ATG13: variants seen among roughly 807,000 people sequenced by gnomAD.
ATG13 encodes the protein autophagy related 13, also known as autophagy-related protein 13.
Under a neutral mutation model 65.5 loss-of-function variants are expected in ATG13, and 23 were observed. That is an observed-to-expected ratio of 0.35 (90% confidence interval 0.25 to 0.50). ATG13 has a LOEUF of 0.50. Among genes scored for constraint, ATG13 ranks in the 20% least tolerant of loss-of-function variants. ATG13 has a pLI of 0.98. For synonymous variants in ATG13, 252 were observed against 245.2 expected (o/e 1.03, Z -0.26); for missense variants, 566 against 677.0 (o/e 0.84, Z 1.82).
At chr11:46,633,005 T>TA (rs2052421012) in intron 2 of ATG13, among the ~76,000 whole-genome samples, 1 of 97,414 alleles carries the variant, frequency 1.0e-5, no homozygotes, top group African/African-American at 3.8e-5. Flanking sequence ...TAAAAAAAAA[T>TA]ATATATATAT....
At chr11:46,647,280 G>GTTTTTTTTTTTTTTTT (rs60893694) in intron 5 of ATG13, among the ~76,000 whole-genome samples, 15 of 55,908 alleles carry the variant, frequency 2.7e-4, no homozygotes, top group Non-Finnish European at 4.1e-4. Flanking sequence ...TGTTTTTTTT[G>GTTTTTTTTTTTTTTTT]TTTTTTTTTT....
At chr11:46,621,466 C>T (rs2047485746) in intron 1 of ATG13, among the ~76,000 whole-genome samples, 1 of 152,070 alleles carries the variant, frequency 6.6e-6, no homozygotes, top group African/African-American at 2.4e-5. Flanking sequence ...AAAGCTTCTC[C>T]CAATACTATT....
In ATG13 at chr11:46,672,502, C is replaced by T. The variant is rs555355905; in HGVS notation, c.*170C>T. ...CTACTCTTGGACCTCCTGGAGACTC[C>T]GTGGCGGCAGTCAAGCCCAGTGCCC... On this transcript the variant is annotated 3_prime_UTR_variant, in exon 19 of 19. Transcript: ENST00000683050. The T allele has an allele frequency of 4.7e-5, 70 of 1,482,098 alleles. No homozygotes were observed. The highest frequency in any genetic ancestry group is 1.2e-4 in the East Asian group (5 of 41,558). 91.8% of individuals were successfully genotyped at this position (1,482,098 alleles called of 1,614,324 possible). A position where few individuals can be genotyped will look rare whatever the true frequency, so the allele number is the denominator to read the frequency against.
At chr11:46,636,002 A>G (rs558198893) in intron 2 of ATG13, among the ~76,000 whole-genome samples, 3 of 152,214 alleles carry the variant, frequency 2.0e-5, no homozygotes, top group African/African-American at 4.8e-5. Context: ...CTGGAGTACA[A>G]TGGCACAGTT....
In ATG13 at chr11:46,672,704, G is replaced by A. The variant is rs192682946; in HGVS notation, c.*372G>A. On this transcript the variant is annotated 3_prime_UTR_variant, in exon 19 of 19. Transcript: ENST00000683050. ...CTGCCTTGCAGCTGGCCCCTTCCCT[G>A]CCTGCTGTCACCATCCACTGTTTGA... The A allele has an allele frequency of 4.0e-5, 55 of 1,363,258 alleles. No homozygotes were observed. In the East Asian group the frequency reaches 2.3e-3, roughly 56 times the overall value. 84.4% of individuals were successfully genotyped at this position (1,363,258 alleles called of 1,614,324 possible).
chr11:46,642,594 C>T (rs754133890), intron 2 of ATG13, among the ~76,000 whole-genome samples: 3 of 152,156 alleles, frequency 2.0e-5, no homozygotes, highest in Non-Finnish European at 1.5e-5. Context: ...CGTGAGCCAC[C>T]GTGCCTGGCC....
chr11:46,666,600 C>G (rs1312016235), intron 14 of ATG13, among the ~76,000 whole-genome samples: 2 of 152,142 alleles, frequency 1.3e-5, no homozygotes, highest in African/African-American at 4.8e-5. Flanking sequence ...CCACTGTTAC[C>G]TGCTTATTTA....
chr11:46,642,212 AT>A (rs2056249578), intron 2 of ATG13, among the ~76,000 whole-genome samples: 2 of 151,598 alleles, frequency 1.3e-5, no homozygotes, highest in Admixed American at 1.3e-4. Context: ...CTTCTCAGTT[AT>A]CCATGTTTAA....
In ATG13 at chr11:46,672,648, G is replaced by A. The variant is rs896300285; in HGVS notation, c.*316G>A. ...AACTGCTTCCCAAGGGTGTCATCCT[G>A]TTCCTCCTGCTGCCGGCCTCCTGCC... On this transcript the variant is annotated 3_prime_UTR_variant, in exon 19 of 19. Transcript: ENST00000683050. 1 of 1,391,218 alleles carries A rather than the reference G, an allele frequency of 7.2e-7. No homozygotes were observed. The highest frequency in any genetic ancestry group is 9.5e-7 in the Non-Finnish European group (1 of 1,049,292). The allele number at this position is 1,391,218 out of a possible 1,614,324, so 86.2% of individuals were successfully genotyped here. A position where few individuals can be genotyped will look rare whatever the true frequency, so the allele number is the denominator to read the frequency against.
chr11:46,628,339 T>C (rs1400779603), intron 1 of ATG13, among the ~76,000 whole-genome samples: 2 of 152,004 alleles, frequency 1.3e-5, no homozygotes, highest in Admixed American at 6.6e-5. Flanking sequence ...CAGGTGGAGA[T>C]TGCAGTGAGA....
intron 11 of ATG13, among the ~76,000 whole-genome samples, chr11:46,661,070 G>C (rs2061085094): frequency 6.6e-6 from 1 of 152,068 alleles, no homozygotes; most frequent in Admixed American, 6.6e-5. Context: ...CTGTCGCCAA[G>C]GCTGGAGTGC....
intron 1 of ATG13, among the ~76,000 whole-genome samples, chr11:46,622,794 A>C (rs1448331331): frequency 6.6e-6 from 1 of 152,154 alleles, no homozygotes; most frequent in Admixed American, 6.5e-5. Context: ...AGATTCCAAC[A>C]CTTGTTGAAC....
At chr11:46,641,142 G>C (rs933550872) in intron 2 of ATG13, among the ~76,000 whole-genome samples, 1 of 152,072 alleles carries the variant, frequency 6.6e-6, no homozygotes, top group East Asian at 1.9e-4. Context: ...GTGCGATCTC[G>C]GCTCACTGCA....
intron 6 of ATG13, 90 bp downstream of exon 6, chr11:46,649,273 C>G: frequency 2.1e-6 from 3 of 1,438,816 alleles, no homozygotes; most frequent in Non-Finnish European, 2.9e-6. Flanking sequence ...TTTTCAGAGT[C>G]AGGGAGGGCA....
In ATG13 at chr11:46,634,895, G is replaced by A. The variant is rs951040084; in HGVS notation, c.-14+4795G>A. Among the ~76,000 whole-genome samples the A allele has an allele frequency of 4.6e-5, 7 of 151,172 alleles. 1 individual carries two copies. Among genetic ancestry groups the A allele is most frequent in the South Asian group, 4.2e-4 (2 of 4,800 alleles). On this transcript the variant is annotated intron_variant, in intron 2 of 18. Transcript: ENST00000683050. ...TTTTTGTATTTTTAGTAGAGGCCGG[G>A]TTTCACCATATTGGCCAGGCTTTTC...
intron 2 of ATG13, among the ~76,000 whole-genome samples, chr11:46,643,882 A>G (rs1378109100): frequency 1.3e-5 from 2 of 152,200 alleles, no homozygotes; most frequent in East Asian, 1.9e-4. Context: ...AAAGCCCATA[A>G]CTCCCCAAAG....
chr11:46,670,951 T>C (rs1021607958), intron 18 of ATG13, among the ~76,000 whole-genome samples: 2 of 152,308 alleles, frequency 1.3e-5, no homozygotes, highest in South Asian at 2.1e-4. Context: ...CAACAATGAT[T>C]AGCTTGCTCA....
intron 1 of ATG13, among the ~76,000 whole-genome samples, chr11:46,626,898 T>C (rs2049864384): frequency 6.6e-6 from 1 of 152,166 alleles, no homozygotes; most frequent in African/African-American, 2.4e-5. Flanking sequence ...ACATTTGCTA[T>C]AGAAAAAAAG....
In ATG13 at chr11:46,668,849, C is replaced by T. The variant is rs766758622; in HGVS notation, c.1385C>T (p.Ser462Leu). The change falls in exon 17 of 19, where the codon TCA (serine) becomes TTA (leucine). Residue 462 changes from serine to leucine, a missense_variant. Ser to Leu is a moderately radical substitution (Grantham distance 145). Around this residue, in one of 2 missense-constraint regions of ATG13, gnomAD observed 387 missense variants for 409.8 expected, o/e 0.94. Transcript: ENST00000683050. The stretch of plus-strand genomic sequence containing the variant: ...TCTCCTCTCCAGGGCAGCCTGCACT[C>T]AGATGGCTCCAGCGGGGGCAGCAGT... ...TESPLQGSLH[S>L]DGSSGGSSGN... is the part of the protein sequence containing the mutation. 1.9e-6 allele frequency: 3 copies of T among 1,614,014 alleles called. No individual in the cohort carries two copies. Among genetic ancestry groups the T allele is most frequent in the Admixed American group, 1.7e-5 (1 of 60,022 alleles).
Sources: allele counts gnomAD v4.1 joint callset (sites outside exome capture counted in the v4.1 genomes callset), GRCh38; gene constraint gnomAD v4.1.1; regional missense constraint gnomAD v4.1.1; transcripts MANE v1.5; gene names NCBI Gene and HGNC (gene_info 2026-07-23, HGNC 2026-07-21).